MYO9A: variants seen among roughly 807,000 people sequenced by gnomAD.
MYO9A encodes the protein unconventional myosin-IXa.
MYO9A carries 103 observed loss-of-function variants against 293.3 expected under a neutral mutation model. The ratio of observed to expected loss-of-function variants is 0.35; its 90% CI spans 0.30 to 0.41. The LOEUF is 0.41. Among genes scored for constraint, MYO9A ranks in the 10% least tolerant of loss-of-function variants. The pLI is 1.00. For synonymous variants in MYO9A, 1,001 were observed against 1,035.7 expected (o/e 0.97, Z 0.64); for missense variants, 2,685 against 3,033.0 (o/e 0.89, Z 2.69).
intron 27 of MYO9A, among the ~76,000 whole-genome samples, chr15:71,887,510 A>G (rs947516136): frequency 5.3e-5 from 8 of 152,104 alleles, no homozygotes; most frequent in Non-Finnish European, 1.2e-4. Context: ...ACATCAGAGG[A>G]ATCTACCAAC....
Position 71,901,220 on chromosome 15 carries a change from G to A in MYO9A, c.3121C>T (p.His1041Tyr), listed in dbSNP as rs778908765. 1 of 1,612,954 alleles carries A rather than the reference G, an allele frequency of 6.2e-7. No homozygotes were observed. Among genetic ancestry groups the A allele is most frequent in the Non-Finnish European group, 8.5e-7 (1 of 1,179,598 alleles). The change falls in exon 23 of 42, where the codon CAT becomes TAT. Residue 1041 changes from histidine to tyrosine, a missense_variant. Transcript: ENST00000356056. ...RVLLCRQHFL[H>Y]LRQASVIIQR... is the part of the protein sequence containing the mutation. ...ATAATAACAGATGCTTGTCTCAGAT[G>A]GAGGAAATGCTGCCTACACAGCAAG...
At chr15:72,116,181 G>A (rs901170954) in intron 1 of MYO9A, among the ~76,000 whole-genome samples, 1 of 152,168 alleles carries the variant, frequency 6.6e-6, no homozygotes, top group Non-Finnish European at 1.5e-5. Context: ...GGAGAGTGAA[G>A]GCGGAACAGA....
rs559748188 is a variant in MYO9A, at chr15:71,916,366, T to C, written c.2685+4A>G. 7 of 1,605,038 alleles carry C rather than the reference T, an allele frequency of 4.4e-6. No individual in the cohort carries two copies. The highest frequency in any genetic ancestry group is 2.2e-5 in the East Asian group (1 of 44,780). ...TATTTGTTTTAAGCGAAACAAGAAA[T>C]AACCTGAAACTGGGCACTGATGCTG... On this transcript the variant is annotated splice_donor_region_variant and intron_variant, in intron 19 of 41. Coordinates refer to ENST00000356056, the MANE Select transcript of MYO9A (RefSeq NM_006901.4).
chr15:71,962,004 G>T (rs1474689370), intron 13 of MYO9A, among the ~76,000 whole-genome samples: 2 of 152,100 alleles, frequency 1.3e-5, no homozygotes, highest in Non-Finnish European at 2.9e-5. Context: ...AATTACAGGT[G>T]TAAGCCATTG....
chr15:71,895,846 GTTTTTTACAAAACAAA>G (rs1311493089), intron 25 of MYO9A, among the ~76,000 whole-genome samples: 1 of 151,960 alleles, frequency 6.6e-6, no homozygotes, highest in Non-Finnish European at 1.5e-5. Context: ...TCCACAATTT[GTTTTTTACAAAACAAA>G]TTCATGGATC....
intron 2 of MYO9A, chr15:72,041,469 G>A: frequency 2.8e-6 from 1 of 357,864 alleles, no homozygotes. Flanking sequence ...CATGAAAACA[G>A]CAATTCCAAC....
chr15:71,981,754 A>C (rs1362930098), intron 11 of MYO9A, among the ~76,000 whole-genome samples: 2 of 151,638 alleles, frequency 1.3e-5, no homozygotes, highest in African/African-American at 4.9e-5. Flanking sequence ...CTCCCATGGT[A>C]TATTTGTTTT....
intron 39 of MYO9A, among the ~76,000 whole-genome samples, chr15:71,846,067 CCTGTGAGTTTGACAG>C (rs2055371519): frequency 6.6e-6 from 1 of 152,202 alleles, no homozygotes; most frequent in Admixed American, 6.5e-5. Context: ...TTGTATCTGC[CCTGTGAGTTTGACAG>C]CTTCCCATAT....
intron 16 of MYO9A, among the ~76,000 whole-genome samples, chr15:71,936,583 TCA>T (rs2058649643): frequency 6.6e-6 from 1 of 152,106 alleles, no homozygotes; most frequent in African/African-American, 2.4e-5. Flanking sequence ...TATCAAAACA[TCA>T]CACTGTACCT....
intron 6 of MYO9A, among the ~76,000 whole-genome samples, chr15:72,012,668 T>A (rs1446748420): frequency 1.3e-5 from 2 of 152,230 alleles, no homozygotes; most frequent in East Asian, 3.8e-4. Flanking sequence ...GCTCTCTTGC[T>A]ACTCTTCCCC....
intron 18 of MYO9A, among the ~76,000 whole-genome samples, chr15:71,922,617 C>T (rs1052912633): frequency 2.0e-5 from 3 of 152,126 alleles, no homozygotes; most frequent in African/African-American, 7.2e-5. Context: ...ACCCTTATAC[C>T]CCAAACCTTT....
intron 1 of MYO9A, among the ~76,000 whole-genome samples, chr15:72,053,331 A>G (rs1035441737): frequency 6.6e-6 from 1 of 152,060 alleles, no homozygotes; most frequent in South Asian, 2.1e-4. Context: ...GCTTGAACTC[A>G]GGAGGCGCAG....
At chr15:72,032,702 T>A in intron 2 of MYO9A, 114 bp from the exon 3 acceptor site, 1 of 571,606 alleles carries the variant, frequency 1.7e-6, no homozygotes, top group Non-Finnish European at 2.8e-6. Flanking sequence ...AAAGAGACAG[T>A]AAAAAGACAA....
chr15:71,878,769 C>T (rs887681366), intron 30 of MYO9A, among the ~76,000 whole-genome samples: 50 of 90,870 alleles, frequency 5.5e-4, no homozygotes, highest in African/African-American at 1.8e-3. Context: ...TTTTTTTAGA[C>T]GGAGTCTTGC....
At chr15:71,876,054 ATACTT>A (rs1308756111) in intron 31 of MYO9A, among the ~76,000 whole-genome samples, 2 of 152,184 alleles carry the variant, frequency 1.3e-5, no homozygotes, top group Non-Finnish European at 2.9e-5. Flanking sequence ...GAATGGAAGG[ATACTT>A]TAGAGATTAT....
intron 1 of MYO9A, among the ~76,000 whole-genome samples, chr15:72,048,990 A>T (rs1194667144): frequency 6.6e-6 from 1 of 152,108 alleles, no homozygotes; most frequent in Non-Finnish European, 1.5e-5. Context: ...CTTTTTGAAA[A>T]CCCTCAGTAT....
intron 18 of MYO9A, among the ~76,000 whole-genome samples, chr15:71,924,212 G>A (rs574325837): frequency 6.6e-6 from 1 of 151,634 alleles, no homozygotes; most frequent in Non-Finnish European, 1.5e-5. Context: ...TCCCCAACTT[G>A]AAATTTTGTT....
At chr15:71,867,129 T>C (rs2056356306) in intron 32 of MYO9A, among the ~76,000 whole-genome samples, 1 of 151,142 alleles carries the variant, frequency 6.6e-6, no homozygotes, top group South Asian at 2.1e-4. Flanking sequence ...AAATTTAGAA[T>C]GTAAAAAGGG....
chr15:71,898,530 C>T lies in MYO9A; in HGVS notation c.3973G>A (p.Glu1325Lys), dbSNP rs994761056. The T allele has an allele frequency of 3.7e-6, 6 of 1,614,030 alleles. No individual in the cohort carries two copies. The highest frequency in any genetic ancestry group is 5.1e-6 in the Non-Finnish European group (6 of 1,180,022). Residue 1325 changes from glutamate (E) to lysine (K), a missense_variant, in exon 25 of 42, where the codon GAG becomes AAG. By Grantham distance (56) the Glu-to-Lys change is moderately conservative. Coordinates refer to ENST00000356056, the MANE Select transcript of MYO9A (RefSeq NM_006901.4). Reference sequence around the variant, plus strand: ...AGTTCCAAGCTTCCTTGAGAGCTCTCACTATCAGGTGTACCCCGTGGAGAC... The same window carrying T: ...AGTTCCAAGCTTCCTTGAGAGCTCTTACTATCAGGTGTACCCCGTGGAGAC... Reference protein sequence around the residue: ...LQSPRGTPDSESSQGSLELLS... With the variant: ...LQSPRGTPDSKSSQGSLELLS...
Sources: allele counts gnomAD v4.1 joint callset (sites outside exome capture counted in the v4.1 genomes callset), GRCh38; gene constraint gnomAD v4.1.1; transcripts MANE v1.5; gene names NCBI Gene and HGNC (gene_info 2026-07-23, HGNC 2026-07-21).